Variants in FRK observed in about 807,000 individuals in gnomAD.
FRK encodes tyrosine-protein kinase FRK.
A neutral mutation model predicts 56.4 loss-of-function variants in FRK; 51 were observed. The ratio of observed to expected loss-of-function variants is 0.90; its 90% CI spans 0.72 to 1.14. The LOEUF (loss-of-function observed/expected upper bound fraction) is 1.14. FRK is among the 50% of genes most tolerant of loss of function. FRK has a pLI of 0.00. For missense variants in FRK, 570 were observed against 601.4 expected (o/e 0.95, Z 0.55); for synonymous variants, 245 against 217.9 (o/e 1.12, Z -1.10).
At chr6:116,016,948 GA>G (rs1775680274) in intron 1 of FRK, among the ~76,000 whole-genome samples, 1 of 152,126 alleles carries the variant, frequency 6.6e-6, no homozygotes, top group Non-Finnish European at 1.5e-5. Flanking sequence ...AACAGTGCCA[GA>G]AAACACATCT....
the FRK span, among the ~76,000 whole-genome samples, chr6:116,086,405 A>C: frequency 1.3e-5 from 2 of 152,342 alleles, no homozygotes; most frequent in Non-Finnish European, 1.5e-5. Context: ...GTGATGTACT[A>C]TTTAAAAAGT....
chr6:116,034,047 T>C (rs1776385360), intron 1 of FRK, among the ~76,000 whole-genome samples: 1 of 152,088 alleles, frequency 6.6e-6, no homozygotes, highest in South Asian at 2.1e-4. Flanking sequence ...ATGGAGGATA[T>C]TTGCTGTTGA....
chr6:115,970,408 G>GT (rs1773760292), intron 2 of FRK, among the ~76,000 whole-genome samples: 1 of 152,056 alleles, frequency 6.6e-6, no homozygotes, highest in African/African-American at 2.4e-5. Flanking sequence ...ATTTGTAAGG[G>GT]TTCAAACCTG....
rs1374466550 is a variant in FRK, at chr6:116,060,284, C to T, written c.28G>A (p.Glu10Lys). The T allele has an allele frequency of 6.2e-7, 1 of 1,613,936 alleles. No individual in the cohort carries two copies. Among genetic ancestry groups the T allele is most frequent in the Non-Finnish European group, 8.5e-7 (1 of 1,179,934 alleles). The change falls in exon 1 of 8, where the codon GAG becomes AAG. Residue 10 changes from glutamate (E) to lysine (K), a missense_variant. By Grantham distance (56) the Glu-to-Lys change is moderately conservative. Coordinates refer to ENST00000606080, the MANE Select transcript of FRK (RefSeq NM_002031.3). Reference sequence around the variant, plus strand: ...CAGGGGAGATAGGGTTCTAGGTACTCCCAGAGCCTCTGACAGATGTTGCTC... The same window carrying T: ...CAGGGGAGATAGGGTTCTAGGTACTTCCAGAGCCTCTGACAGATGTTGCTC... MSNICQRLW[E>K]YLEPYLPCLS...
intron 5 of FRK, among the ~76,000 whole-genome samples, chr6:115,953,435 C>T (rs1394997893): frequency 4.0e-5 from 6 of 151,866 alleles, no homozygotes; most frequent in Non-Finnish European, 8.8e-5. Context: ...GTGATCCGCC[C>T]GCCTCGGCCT....
the FRK span, among the ~76,000 whole-genome samples, chr6:116,091,700 A>T: frequency 6.6e-6 from 1 of 152,112 alleles, no homozygotes; most frequent in Admixed American, 6.5e-5. Flanking sequence ...GTTAAAAGAG[A>T]CTAGTGTGGC....
At chr6:116,016,542 T>G (rs1775661287) in intron 1 of FRK, among the ~76,000 whole-genome samples, 1 of 152,056 alleles carries the variant, frequency 6.6e-6, no homozygotes, top group African/African-American at 2.4e-5. Flanking sequence ...AATGAGTGGA[T>G]GGATGTGTGT....
intron 4 of FRK, among the ~76,000 whole-genome samples, chr6:115,958,393 A>C (rs373828113): frequency 3.9e-5 from 6 of 152,134 alleles, no homozygotes; most frequent in African/African-American, 1.4e-4. Flanking sequence ...TTGGGAGGCC[A>C]AGGCAGGCGG....
upstream of FRK, among the ~76,000 whole-genome samples, chr6:116,065,866 A>G (rs1234844412): frequency 6.6e-6 from 1 of 152,220 alleles, no homozygotes; most frequent in Non-Finnish European, 1.5e-5. Context: ...ACAGTTTATT[A>G]TATCTTATGT....
At chr6:116,014,219 C>T (rs1266823825) in intron 1 of FRK, among the ~76,000 whole-genome samples, 1 of 151,990 alleles carries the variant, frequency 6.6e-6, no homozygotes, top group Non-Finnish European at 1.5e-5. Flanking sequence ...TTTATACTAA[C>T]AATATGGAGA....
intron 1 of FRK, among the ~76,000 whole-genome samples, chr6:116,051,613 C>T (rs1216373024): frequency 6.6e-6 from 1 of 152,066 alleles, no homozygotes; most frequent in Non-Finnish European, 1.5e-5. Flanking sequence ...ACTAAAGTTG[C>T]AGGCTTTAGG....
chr6:115,931,530 A>T lies in FRK; in HGVS notation c.*10884T>A, dbSNP rs2114481995. ...ATATTAAAGAATACAATATAAAAAC[A>T]TGCATGTTTTTAAGAGAAAAATCTC... is the stretch of plus-strand genomic sequence containing the variant. On this transcript the variant is annotated 3_prime_UTR_variant, in exon 8 of 8. Transcript: ENST00000606080. The T allele has an allele frequency of 6.6e-6, 1 of 152,286 alleles. No individual in the cohort carries two copies. The highest frequency in any genetic ancestry group is 1.5e-5 in the Non-Finnish European group (1 of 68,002). The allele number at this position is 152,286 out of a possible 1,614,324, so 9.4% of individuals were successfully genotyped here.
the FRK span, among the ~76,000 whole-genome samples, chr6:116,096,733 G>A: frequency 6.6e-6 from 1 of 152,188 alleles, no homozygotes; most frequent in African/African-American, 2.4e-5. Context: ...ACAAATAAGG[G>A]AATAAAAGCT....
chr6:116,009,929 T>C (rs1775398374), intron 1 of FRK, among the ~76,000 whole-genome samples: 1 of 152,156 alleles, frequency 6.6e-6, no homozygotes, highest in Non-Finnish European at 1.5e-5. Flanking sequence ...ATTTATATTT[T>C]AAAAAATCAA....
the FRK span, among the ~76,000 whole-genome samples, chr6:116,070,746 A>C: frequency 6.6e-6 from 1 of 152,180 alleles, no homozygotes; most frequent in Non-Finnish European, 1.5e-5. Context: ...TTTCTTACTT[A>C]TATATACATG....
Position 115,994,321 on chromosome 6 carries a change from A to ACCCCCCC in FRK, c.466+9555_466+9556insGGGGGGG, listed in dbSNP as rs1422664378. The stretch of plus-strand genomic sequence containing the variant: ...GTTATTGGGTATCCAGAATCTCACA[A>ACCCCCCC]CCTCCCCCCCCCCCGCCTTTTTTTT... On this transcript the variant is annotated intron_variant, in intron 2 of 7. Coordinates refer to ENST00000606080, the MANE Select transcript of FRK (RefSeq NM_002031.3). Among the ~76,000 whole-genome samples, 9 of 47,812 alleles carry ACCCCCCC rather than the reference A, an allele frequency of 1.9e-4. 1 individual carries two copies. Among genetic ancestry groups the ACCCCCCC allele is most frequent in the Non-Finnish European group, 3.0e-4 (6 of 20,252 alleles). 31.4% of individuals were successfully genotyped at this position (47,812 alleles called of 152,430 possible).
At chr6:115,966,050 T>TA (rs66727407) in intron 4 of FRK, among the ~76,000 whole-genome samples, 55,518 of 114,244 alleles carry the variant, frequency 0.49, 12,944 homozygotes, top group African/African-American at 0.58. Context: ...TAAAGTATAA[T>TA]AAAAAAAAAA....
At chr6:116,039,876 C>T (rs1436028352) in intron 1 of FRK, among the ~76,000 whole-genome samples, 7 of 150,696 alleles carry the variant, frequency 4.6e-5, no homozygotes, top group Non-Finnish European at 1.0e-4. Flanking sequence ...CCCTCTCCCA[C>T]GGTGCCCGCG....
intron 4 of FRK, among the ~76,000 whole-genome samples, chr6:115,958,071 T>C (rs1773080882): frequency 6.6e-6 from 1 of 152,190 alleles, no homozygotes; most frequent in Non-Finnish European, 1.5e-5. Context: ...GCCGATTCTC[T>C]TTTCCGTTAC....
Sources: allele counts gnomAD v4.1 joint callset (sites outside exome capture counted in the v4.1 genomes callset), GRCh38; gene constraint gnomAD v4.1.1; transcripts MANE v1.5; gene names NCBI Gene and HGNC (gene_info 2026-07-23, HGNC 2026-07-21).